CEND1: variants seen among roughly 807,000 people sequenced by gnomAD.
CEND1 encodes the protein cell cycle exit and neuronal differentiation protein 1.
In CEND1, 1 loss-of-function variant was observed where a neutral mutation model predicts 4.4. That is an observed-to-expected ratio of 0.23 (90% CI 0.08 to 1.09). The LOEUF is 1.09. Among genes scored for constraint, CEND1 ranks in the 50% least tolerant of loss-of-function variants. The pLI, the probability that CEND1 is intolerant of heterozygous loss-of-function variation, is 0.55. For synonymous variants in CEND1, 109 were observed against 93.0 expected (o/e 1.17, Z -0.99); for missense variants, 213 against 201.2 (o/e 1.06, Z -0.35).
In CEND1 at chr11:788,056, A is replaced by T. The variant is rs1052711991; in HGVS notation, c.*71T>A. The T allele has an allele frequency of 8.3e-7, 1 of 1,208,820 alleles. No homozygotes were observed. The highest frequency in any genetic ancestry group is 1.1e-6 in the Non-Finnish European group (1 of 893,148). 74.9% of individuals were successfully genotyped at this position (1,208,820 alleles called of 1,614,324 possible). A position where few individuals can be genotyped will look rare whatever the true frequency, so the allele number is the denominator to read the frequency against. On this transcript the variant is annotated 3_prime_UTR_variant, in exon 2 of 2. Transcript: ENST00000330106. ...CGTGTGTACGAATAGGTAAGGGTGA[A>T]CTCTGCATGCACTGGCTTCCTCGGG...
intron 1 of CEND1, 137 bp downstream of exon 1, chr11:789,893 G>T: frequency 6.5e-6 from 1 of 152,836 alleles, no homozygotes; most frequent in South Asian, 1.9e-4. Flanking sequence ...TCCCTCTCCC[G>T]GGATCAACTG....
In CEND1 at chr11:787,845, A is replaced by C; in HGVS notation, c.*282T>G. On this transcript the variant is annotated 3_prime_UTR_variant, in exon 2 of 2. Transcript: ENST00000330106. ...GCCAGGGGTGGGGGGGGCCACACAC[A>C]GGGTCCATTCCTTTCTTGCCGTTCC... 1.9e-5 allele frequency: 5 copies of C among 258,260 alleles called. No homozygotes were observed. Among genetic ancestry groups the C allele is most frequent in the Non-Finnish European group, 1.5e-5 (2 of 137,408 alleles). 16.0% of individuals were successfully genotyped at this position (258,260 alleles called of 1,614,324 possible).
Position 788,534 on chromosome 11 carries a change from T to G in CEND1, c.43A>C (p.Thr15Pro). The G allele has an allele frequency of 6.6e-7, 1 of 1,524,010 alleles. No homozygotes were observed. Among genetic ancestry groups the G allele is most frequent in the Non-Finnish European group, 8.8e-7 (1 of 1,136,854 alleles). The allele number at this position is 1,524,010 out of a possible 1,614,324, so 94.4% of individuals were successfully genotyped here. The change falls in exon 2 of 2, where the codon ACC (threonine) becomes CCC (proline). Residue 15 changes from threonine (T) to proline (P), a missense_variant. By Grantham distance (38) the Thr-to-Pro change is conservative. Transcript: ENST00000330106. ...GKSASSPKPD[T>P]KVPQVTTEAK... is the part of the protein sequence containing the mutation. ...TCGGTGGTGACCTGGGGCACCTTGG[T>G]GTCGGGCTTGGGGCTGCTGGCTGAC...
Position 788,231 on chromosome 11 carries a change from G to A in CEND1, c.346C>T (p.Pro116Ser). The A allele has an allele frequency of 6.2e-7, 1 of 1,610,398 alleles. No individual in the cohort carries two copies. ...GGGTTGAAGTTCTCACAGGACCAGG[G>A]ACCTCGGCCCCCAGGCCCCCCACTG... ...AASGGPGGRG[P>S]WSCENFNPLL... is the part of the protein sequence containing the mutation. Residue 116 changes from proline (P) to serine (S), a missense_variant, in exon 2 of 2, where the codon CCC (proline) becomes TCC (serine). By Grantham distance (74) the Pro-to-Ser change is moderately conservative. Transcript: ENST00000330106.
At position 787,935 on chromosome 11, in the gene CEND1, G is replaced by A. The variant is rs1864379233; in HGVS notation, c.*192C>T. 5 of 425,562 alleles carry A rather than the reference G, an allele frequency of 1.2e-5. No individual in the cohort carries two copies. The South Asian group carries it at 4.2e-4, about 35-fold the overall frequency. 26.4% of individuals were successfully genotyped at this position (425,562 alleles called of 1,614,324 possible). ...CGGAGCCTGGGCTCTTTCTGCCCTGGAGGTTGGGGAAGTCCTGGGTCAGCA... is the reference window on the plus strand; with the variant it reads ...CGGAGCCTGGGCTCTTTCTGCCCTGAAGGTTGGGGAAGTCCTGGGTCAGCA... On this transcript the variant is annotated 3_prime_UTR_variant, in exon 2 of 2. Transcript: ENST00000330106.
Position 788,213 on chromosome 11 carries a change from A to C in CEND1, c.364T>G (p.Phe122Val). The C allele has an allele frequency of 1.2e-6, 2 of 1,608,724 alleles. No homozygotes were observed. Among genetic ancestry groups the C allele is most frequent in the Non-Finnish European group, 1.7e-6 (2 of 1,178,370 alleles). Residue 122 changes from phenylalanine (F) to valine (V), a missense_variant, in exon 2 of 2, where the codon TTC becomes GTC. Physicochemically the swap from Phe to Val is conservative, Grantham distance 50. Coordinates refer to ENST00000330106, the MANE Select transcript of CEND1 (RefSeq NM_016564.4). ...CCCCCAGCCACCAGCAGGGGGTTGA[A>C]GTTCTCACAGGACCAGGGACCTCGG... ...GGRGPWSCEN[F>V]NPLLVAGGVA...
intron 1 of CEND1, 70 bp from the exon 2 acceptor site, chr11:788,728 C>G: frequency 1.6e-6 from 1 of 610,902 alleles, no homozygotes; most frequent in Non-Finnish European, 2.5e-6. Context: ...CACCTGGTCC[C>G]CAGGCAGCCC....
At position 788,062 on chromosome 11, in the gene CEND1, C is replaced by T; in HGVS notation, c.*65G>A. Reference sequence around the variant, plus strand: ...TACGAATAGGTAAGGGTGAACTCTGCATGCACTGGCTTCCTCGGGTCTGTA... The same window carrying T: ...TACGAATAGGTAAGGGTGAACTCTGTATGCACTGGCTTCCTCGGGTCTGTA... On this transcript the variant is annotated 3_prime_UTR_variant, in exon 2 of 2. Transcript: ENST00000330106. 2 of 1,265,382 alleles carry T rather than the reference C, an allele frequency of 1.6e-6. No individual in the cohort carries two copies. Among genetic ancestry groups the T allele is most frequent in the South Asian group, 1.5e-5 (1 of 64,540 alleles). The allele number at this position is 1,265,382 out of a possible 1,614,324, so 78.4% of individuals were successfully genotyped here.
rs1350422587 is a variant in CEND1 at position 790,083 on chromosome 11, GC to G, written c.-137del. On this transcript the variant is annotated 5_prime_UTR_variant, in exon 1 of 2. Coordinates refer to ENST00000330106, the MANE Select transcript of CEND1 (RefSeq NM_016564.4). ...GCTCCTCCGCGGGATGACGGCGGCT[GC>G]GAACGCGGAGGAGAGCTCGGGAGTT... 6.6e-6 allele frequency: 1 copy of G among 152,318 alleles called. No individual in the cohort carries two copies. The highest frequency in any genetic ancestry group is 1.5e-5 in the Non-Finnish European group (1 of 67,974). 9.4% of individuals were successfully genotyped at this position (152,318 alleles called of 1,614,324 possible).
chr11:788,445 G>A lies in CEND1; in HGVS notation c.132C>T (p.Ala44=). The change falls in exon 2 of 2, where the codon GCC becomes GCT. Residue 44 remains alanine, a synonymous_variant. Coordinates refer to ENST00000330106, the MANE Select transcript of CEND1 (RefSeq NM_016564.4). ...CTGGCGGCTGCTGCTTCTCGGCCGG[G>A]GCCTCCTTCTTCGAGGGCTTGGTCA... ...APLTKPSKKE[A]PAEKQQPPAA... is the part of the protein sequence containing the mutation. The A allele has an allele frequency of 6.3e-7, 1 of 1,577,340 alleles. No individual in the cohort carries two copies. Among genetic ancestry groups the A allele is most frequent in the East Asian group, 2.3e-5 (1 of 44,296 alleles).
rs1864380192 is a variant in CEND1 at position 788,009 on chromosome 11, A to C, written c.*118T>G. The C allele has an allele frequency of 2.6e-6, 2 of 778,174 alleles. No individual in the cohort carries two copies. Among genetic ancestry groups the C allele is most frequent in the South Asian group, 2.8e-5 (1 of 35,940 alleles). The allele number at this position is 778,174 out of a possible 1,614,324, so 48.2% of individuals were successfully genotyped here. A position where few individuals can be genotyped will look rare whatever the true frequency, so the allele number is the denominator to read the frequency against. On this transcript the variant is annotated 3_prime_UTR_variant, in exon 2 of 2. Coordinates refer to ENST00000330106, the MANE Select transcript of CEND1 (RefSeq NM_016564.4). ...CACCGTGCGCGTGTGTTGGGGGCGT[A>C]TGTAGGTGTGTAATGAATGTGCGTG...
chr11:788,765 G>GCC (rs747306303), intron 1 of CEND1, 107 bp from the exon 2 acceptor site: 31 of 455,674 alleles, frequency 6.8e-5, no homozygotes, highest in Non-Finnish European at 1.1e-4. Flanking sequence ...ACTCTCTGGA[G>GCC]CCCCAGCTCA....
chr11:788,019 G>A lies in CEND1; in HGVS notation c.*108C>T. The A allele has an allele frequency of 4.6e-6, 4 of 877,578 alleles. No individual in the cohort carries two copies. The highest frequency in any genetic ancestry group is 4.9e-6 in the Non-Finnish European group (3 of 607,022). 54.4% of individuals were successfully genotyped at this position (877,578 alleles called of 1,614,324 possible). A position where few individuals can be genotyped will look rare whatever the true frequency, so the allele number is the denominator to read the frequency against. On this transcript the variant is annotated 3_prime_UTR_variant, in exon 2 of 2. Transcript: ENST00000330106. Reference sequence around the variant, plus strand: ...GTGTGTTGGGGGCGTATGTAGGTGTGTAATGAATGTGCGTGTGTACGAATA... The same window carrying A: ...GTGTGTTGGGGGCGTATGTAGGTGTATAATGAATGTGCGTGTGTACGAATA...
At position 788,736 on chromosome 11, in the gene CEND1, C is replaced by T. The variant is rs1020056516; in HGVS notation, c.-82-78G>A. 1.2e-5 allele frequency: 7 copies of T among 583,694 alleles called. No individual in the cohort carries two copies. The African/African-American group carries it at 1.3e-4, about 11-fold the overall frequency. 36.2% of individuals were successfully genotyped at this position (583,694 alleles called of 1,614,324 possible). ...CCCCGACCACCTGGTCCCCAGGCAG[C>T]CCCTGCCCAGTTCTCTGGACTCTCT... On this transcript the variant is annotated intron_variant, in intron 1 of 1. Coordinates refer to ENST00000330106, the MANE Select transcript of CEND1 (RefSeq NM_016564.4).
In CEND1 at chr11:788,236, C is replaced by A; in HGVS notation, c.341G>T (p.Arg114Leu). 6.2e-7 allele frequency: 1 copy of A among 1,610,414 alleles called. No homozygotes were observed. Among genetic ancestry groups the A allele is most frequent in the Non-Finnish European group, 8.5e-7 (1 of 1,178,724 alleles). Residue 114 changes from arginine to leucine, a missense_variant, in exon 2 of 2, where the codon CGA becomes CTA. Coordinates refer to ENST00000330106, the MANE Select transcript of CEND1 (RefSeq NM_016564.4). ...GAAGTTCTCACAGGACCAGGGACCT[C>A]GGCCCCCAGGCCCCCCACTGGCAGC... The part of the protein sequence containing the change: ...DEAASGGPGG[R>L]GPWSCENFNP...
intron 1 of CEND1, among the ~76,000 whole-genome samples, chr11:789,408 G>A (rs542178497): frequency 1.3e-5 from 2 of 152,344 alleles, no homozygotes; most frequent in East Asian, 1.9e-4. Context: ...GGTTCCTGGC[G>A]TTAAACAGGG....
chr11:787,969 C>T lies in CEND1; in HGVS notation c.*158G>A. 3.8e-6 allele frequency: 2 copies of T among 533,282 alleles called. No homozygotes were observed. Among genetic ancestry groups the T allele is most frequent in the Non-Finnish European group, 6.0e-6 (2 of 332,148 alleles). 33.0% of individuals were successfully genotyped at this position (533,282 alleles called of 1,614,324 possible). On this transcript the variant is annotated 3_prime_UTR_variant, in exon 2 of 2. Coordinates refer to ENST00000330106, the MANE Select transcript of CEND1 (RefSeq NM_016564.4). ...GAAGTCCTGGGTCAGCAGGGGTGGG[C>T]TCGGGCGTCCTCTTCACCGTGCGCG...
intron 1 of CEND1, among the ~76,000 whole-genome samples, chr11:788,957 G>A (rs1490786569): frequency 1.3e-5 from 2 of 152,200 alleles, no homozygotes; most frequent in South Asian, 2.1e-4. Context: ...CCCACCAGCC[G>A]GGGGCAGGAG....
chr11:788,996 C>T (rs1041446163), intron 1 of CEND1, among the ~76,000 whole-genome samples: 2 of 152,172 alleles, frequency 1.3e-5, no homozygotes, highest in Non-Finnish European at 2.9e-5. Context: ...AGGATCAGGC[C>T]CAGAGAACTC....
Sources: allele counts gnomAD v4.1 joint callset (sites outside exome capture counted in the v4.1 genomes callset), GRCh38; gene constraint gnomAD v4.1.1; transcripts MANE v1.5; gene names NCBI Gene and HGNC (gene_info 2026-07-23, HGNC 2026-07-21).